TCEA1: variants seen among roughly 807,000 people sequenced by gnomAD.
TCEA1 encodes the protein transcription elongation factor A1.
Under a neutral mutation model 43.8 loss-of-function variants are expected in TCEA1, and 21 were observed. That is an observed-to-expected ratio of 0.48 (90% CI 0.34 to 0.69). TCEA1 has a LOEUF of 0.69. Among genes scored for constraint, TCEA1 ranks in the 30% least tolerant of loss-of-function variants. The pLI is 0.01. For missense variants in TCEA1, 250 were observed against 365.1 expected (o/e 0.68, Z 2.57); for synonymous variants, 104 against 117.5 (o/e 0.88, Z 0.75).
intron 2 of TCEA1, among the ~76,000 whole-genome samples, chr8:54,004,378 G>C (rs193053166): frequency 6.6e-6 from 1 of 152,058 alleles, no homozygotes; most frequent in African/African-American, 2.4e-5. Flanking sequence ...AAGTCTAAAC[G>C]CATCACCTGA....
At chr8:53,992,666 C>T (rs926425717) in intron 4 of TCEA1, among the ~76,000 whole-genome samples, 2 of 152,164 alleles carry the variant, frequency 1.3e-5, no homozygotes, top group Non-Finnish European at 2.9e-5. Context: ...AGTTACAGGA[C>T]GAAGTCTGAG....
At position 53,967,808 on chromosome 8, in the gene TCEA1, G is replaced by A; in HGVS notation, c.*296C>T. Reference sequence around the variant, plus strand: ...ACAGTGTAAAAGAAAAAAAGTTAAGGTATATTTTCCTTTAAGAAAGAAGAA... The same window carrying A: ...ACAGTGTAAAAGAAAAAAAGTTAAGATATATTTTCCTTTAAGAAAGAAGAA... On this transcript the variant is annotated 3_prime_UTR_variant, in exon 10 of 10. Coordinates refer to ENST00000521604, the MANE Select transcript of TCEA1 (RefSeq NM_006756.4). The A allele has an allele frequency of 3.1e-6, 1 of 324,296 alleles. No homozygotes were observed. Among genetic ancestry groups the A allele is most frequent in the Non-Finnish European group, 5.7e-6 (1 of 174,710 alleles). 20.1% of individuals were successfully genotyped at this position (324,296 alleles called of 1,614,324 possible).
chr8:54,010,974 C>A (rs1359737144), intron 1 of TCEA1, among the ~76,000 whole-genome samples: 3 of 152,096 alleles, frequency 2.0e-5, no homozygotes, highest in South Asian at 2.1e-4. Flanking sequence ...CACCACCACG[C>A]TGGGCTAATT....
At chr8:53,974,537 GT>G (rs1803267853) in intron 8 of TCEA1, among the ~76,000 whole-genome samples, 3 of 140,286 alleles carry the variant, frequency 2.1e-5, no homozygotes, top group East Asian at 2.3e-4. Context: ...GGGGGTGGGG[GT>G]GGGGGGGGGA....
At chr8:53,969,826 T>G (rs934912609) in intron 9 of TCEA1, among the ~76,000 whole-genome samples, 8 of 152,170 alleles carry the variant, frequency 5.3e-5, no homozygotes, top group African/African-American at 1.9e-4. Flanking sequence ...AAATTTAAAT[T>G]TTATGCTTTT....
intron 9 of TCEA1, among the ~76,000 whole-genome samples, chr8:53,969,585 AATATATT>A (rs138992057): frequency 0.033 from 5,040 of 152,286 alleles, 119 homozygotes; most frequent in Non-Finnish European, 0.052. Context: ...AGGCACACTA[AATATATT>A]ATCTCTACTC....
chr8:53,993,741 C>T lies in TCEA1; in HGVS notation c.247G>A (p.Glu83Lys). The T allele has an allele frequency of 6.2e-7, 1 of 1,613,150 alleles. No homozygotes were observed. The highest frequency in any genetic ancestry group is 8.5e-7 in the Non-Finnish European group (1 of 1,179,604). The stretch of plus-strand genomic sequence containing the variant: ...TTCTTCTTTTCGTCAAGGTCTTTCT[C>T]AGTTGATGGCCCATCTGAAAATTAT... The part of the protein sequence containing the change: ...WKKLLDGPST[E>K]KDLDEKKKEP... The change falls in exon 4 of 10, where the codon GAG (glutamate) becomes AAG (lysine). Residue 83 changes from glutamate (E) to lysine (K), a missense_variant. This residue lies in a region of TCEA1 where 147 missense variants were observed against 160.3 expected (regional missense o/e 0.92). Coordinates refer to ENST00000521604, the MANE Select transcript of TCEA1 (RefSeq NM_006756.4).
intron 8 of TCEA1, among the ~76,000 whole-genome samples, chr8:53,978,182 CGA>C (rs1300219505): frequency 6.6e-6 from 1 of 152,038 alleles, no homozygotes; most frequent in Non-Finnish European, 1.5e-5. Context: ...GAGGATCATT[CGA>C]GTCTGGAAAT....
chr8:53,991,107 G>C (rs1459650515), intron 4 of TCEA1, among the ~76,000 whole-genome samples: 1 of 152,044 alleles, frequency 6.6e-6, no homozygotes, highest in Non-Finnish European at 1.5e-5. Flanking sequence ...AAAAGACAAC[G>C]AGAGGCCAGG....
At chr8:53,969,281 A>C (rs1803084229) in intron 9 of TCEA1, among the ~76,000 whole-genome samples, 1 of 152,122 alleles carries the variant, frequency 6.6e-6, no homozygotes, top group African/African-American at 2.4e-5. Context: ...CACAGTGAGG[A>C]TCTATCTCAA....
intron 4 of TCEA1, 82 bp downstream of exon 4, chr8:53,993,586 A>G: frequency 1.8e-6 from 2 of 1,099,300 alleles, no homozygotes; most frequent in Non-Finnish European, 2.7e-6. Context: ...GAGTGTAAAT[A>G]GGGGAACATT....
intron 3 of TCEA1, chr8:53,999,670 A>C (rs1368426424): frequency 2.8e-6 from 1 of 363,346 alleles, no homozygotes; most frequent in Non-Finnish European, 4.9e-6. Flanking sequence ...TTCAAAAGGT[A>C]TCCACAACCT....
At chr8:53,977,829 G>A (rs755878117) in intron 8 of TCEA1, among the ~76,000 whole-genome samples, 7 of 152,104 alleles carry the variant, frequency 4.6e-5, no homozygotes, top group Non-Finnish European at 8.8e-5. Context: ...TTACAAAAAG[G>A]AACAAATTAT....
intron 4 of TCEA1, among the ~76,000 whole-genome samples, chr8:53,991,483 T>C (rs1803879241): frequency 6.6e-6 from 1 of 151,300 alleles, no homozygotes; most frequent in South Asian, 2.1e-4. Context: ...TCACCTGAGG[T>C]CAGGAGTTCA....
chr8:53,974,344 C>T (rs1803259495), intron 8 of TCEA1: 1 of 152,000 alleles, frequency 6.6e-6, no homozygotes, highest in East Asian at 1.9e-4. Context: ...TAAAATTTTT[C>T]TTCATAAATA....
intron 2 of TCEA1, among the ~76,000 whole-genome samples, chr8:54,005,217 C>T (rs1270003495): frequency 6.6e-6 from 1 of 152,312 alleles, no homozygotes; most frequent in Non-Finnish European, 1.5e-5. Context: ...CTCTTATATT[C>T]TAGAGCTGTT....
At position 53,987,007 on chromosome 8, in the gene TCEA1, C is replaced by T; in HGVS notation, c.485G>A (p.Gly162Glu). The T allele has an allele frequency of 6.2e-7, 1 of 1,601,232 alleles. No homozygotes were observed. The highest frequency in any genetic ancestry group is 8.5e-7 in the Non-Finnish European group (1 of 1,174,190). Residue 162 changes from glycine to glutamate, a missense_variant, in exon 6 of 10, where the codon GGA becomes GAA. Gly to Glu is a moderately conservative substitution (Grantham distance 98, BLOSUM62 -2). Transcript: ENST00000521604. Reference sequence around the variant, plus strand: ...AGATCCTAATTCTTCCTCATCAGCTCCAATTGCAATGTAGTCATCTAAAAA... The same window carrying T: ...AGATCCTAATTCTTCCTCATCAGCTTCAATTGCAATGTAGTCATCTAAAAA... ...LRTGDDYIAIGADEEELGSQI... is the reference protein window; with the variant it reads ...LRTGDDYIAIEADEEELGSQI...
chr8:53,996,661 T>C (rs75577271), intron 3 of TCEA1, among the ~76,000 whole-genome samples: 2,039 of 152,268 alleles, frequency 0.013, 36 homozygotes, highest in Non-Finnish European at 0.021. Flanking sequence ...AAATATGGTA[T>C]AGTCAACTGA....
intron 3 of TCEA1, among the ~76,000 whole-genome samples, chr8:53,996,986 G>A (rs970042304): frequency 2.0e-5 from 3 of 146,362 alleles, no homozygotes; most frequent in Non-Finnish European, 4.4e-5. Flanking sequence ...TGCAAGCTCC[G>A]CCTCCCGGGT....
Sources: allele counts gnomAD v4.1 joint callset (sites outside exome capture counted in the v4.1 genomes callset), GRCh38; gene constraint gnomAD v4.1.1; regional missense constraint gnomAD v4.1.1; transcripts MANE v1.5; gene names NCBI Gene and HGNC (gene_info 2026-07-23, HGNC 2026-07-21).